The following PRKAG2 variants were observed in gnomAD, a reference collection of about 807,000 sequenced individuals.
PRKAG2 encodes protein kinase AMP-activated non-catalytic subunit gamma 2, also known as 5'-AMP-activated protein kinase subunit gamma-2.
A neutral mutation model predicts 69.6 loss-of-function variants in PRKAG2; 26 were observed. The observed-to-expected ratio is 0.37, with a 90% CI of 0.27 to 0.52. The LOEUF (loss-of-function observed/expected upper bound fraction) is 0.52. PRKAG2 is among the 20% of genes least tolerant of loss of function. The pLI, the probability that PRKAG2 is intolerant of heterozygous loss-of-function variation, is 0.90. For synonymous variants in PRKAG2, 293 were observed against 285.0 expected (o/e 1.03, Z -0.28); for missense variants, 557 against 740.0 (o/e 0.75, Z 2.87).
chr7:151,682,516 G>T (rs1834029278), intron 3 of PRKAG2, among the ~76,000 whole-genome samples: 1 of 152,166 alleles, frequency 6.6e-6, no homozygotes, highest in Non-Finnish European at 1.5e-5. Context: ...GGGAATATAG[G>T]TGTGAACCGC....
chr7:151,655,121 C>A (rs752321997), intron 4 of PRKAG2, among the ~76,000 whole-genome samples: 8 of 152,102 alleles, frequency 5.3e-5, no homozygotes, highest in Non-Finnish European at 8.8e-5. Context: ...TATTTTTTTA[C>A]TTGTTATTTC....
chr7:151,731,010 C>T (rs560588519), intron 3 of PRKAG2, among the ~76,000 whole-genome samples: 25 of 152,312 alleles, frequency 1.6e-4, no homozygotes, highest in African/African-American at 5.1e-4. Context: ...CTCCTGGCTC[C>T]AGTGCTGGCC....
chr7:151,816,597 G>T (rs2078646970), intron 1 of PRKAG2, among the ~76,000 whole-genome samples: 1 of 152,220 alleles, frequency 6.6e-6, no homozygotes, highest in South Asian at 2.1e-4. Flanking sequence ...GGATTATTCT[G>T]GAACCAGAGG....
intron 3 of PRKAG2, among the ~76,000 whole-genome samples, chr7:151,711,919 G>A (rs1795380579): frequency 2.0e-5 from 3 of 152,232 alleles, no homozygotes; most frequent in African/African-American, 7.2e-5. Flanking sequence ...CAGGTCCAGT[G>A]TTGGTGGCCT....
At chr7:151,650,079 G>T (rs1563343269) in intron 4 of PRKAG2, among the ~76,000 whole-genome samples, 1 of 152,038 alleles carries the variant, frequency 6.6e-6, no homozygotes, top group Non-Finnish European at 1.5e-5. Context: ...AAATTAGCCG[G>T]ACACGGTGGC....
intron 4 of PRKAG2, among the ~76,000 whole-genome samples, chr7:151,672,144 CA>C (rs1832147442): frequency 6.6e-6 from 1 of 151,192 alleles, no homozygotes; most frequent in Admixed American, 6.6e-5. Context: ...CTCTGTCGCC[CA>C]GGCTGGAGTG....
At chr7:151,735,855 C>T in intron 3 of PRKAG2, 1 of 1,535,910 alleles carries the variant, frequency 6.5e-7, no homozygotes, top group Non-Finnish European at 8.7e-7. Context: ...GGGGTTCCCT[C>T]CCAAGGACAG....
At chr7:151,823,738 A>G (rs2078847559) in intron 1 of PRKAG2, among the ~76,000 whole-genome samples, 2 of 152,122 alleles carry the variant, frequency 1.3e-5, no homozygotes, top group South Asian at 4.2e-4. Flanking sequence ...GGGCCCAGGG[A>G]TGTGGGGCCC....
intron 3 of PRKAG2, among the ~76,000 whole-genome samples, chr7:151,704,971 C>T (rs908528275): frequency 8.5e-5 from 13 of 152,262 alleles, no homozygotes; most frequent in African/African-American, 1.9e-4. Flanking sequence ...GCCTCAGCAA[C>T]GGGAATAAAA....
At chr7:151,675,319 C>T (rs1365451951) in intron 4 of PRKAG2, 101 bp downstream of exon 4, 3 of 1,203,502 alleles carry the variant, frequency 2.5e-6, no homozygotes, top group Non-Finnish European at 3.6e-6. Flanking sequence ...AGCACACGAC[C>T]TCAGCCTCGG....
intron 3 of PRKAG2, among the ~76,000 whole-genome samples, chr7:151,692,267 T>C (rs79495718): frequency 0.047 from 7,163 of 152,094 alleles, 400 homozygotes; most frequent in African/African-American, 0.14. Flanking sequence ...TACTCAGTAA[T>C]AAAAAGGAAA....
intron 1 of PRKAG2, among the ~76,000 whole-genome samples, chr7:151,806,201 A>AAC (rs1479390797): frequency 6.6e-6 from 1 of 152,246 alleles, no homozygotes; most frequent in Non-Finnish European, 1.5e-5. Flanking sequence ...CAACTATGAC[A>AAC]ACAACAAACA....
rs1338811235 is a variant in PRKAG2, at chr7:151,638,361, A to G, written c.685-6223T>C. The stretch of plus-strand genomic sequence containing the variant: ...AAAAATGCTAAATTATTATCCCGGC[A>G]TGGTGGCTCATGCCTGTAATCCCAG... On this transcript the variant is annotated intron_variant, in intron 4 of 15. Transcript: ENST00000287878. This position sits in a 1 kb window ranked among gnomAD's most constrained non-coding sequence, Gnocchi z 4.3. Among the ~76,000 whole-genome samples the G allele has an allele frequency of 6.6e-6, 1 of 152,044 alleles. No individual in the cohort carries two copies.
chr7:151,665,992 CAA>C (rs1370588239), intron 4 of PRKAG2, among the ~76,000 whole-genome samples: 2 of 152,136 alleles, frequency 1.3e-5, no homozygotes, highest in Non-Finnish European at 2.9e-5. Context: ...GACTGAATGG[CAA>C]AAGACAGTCC....
At position 151,836,566 on chromosome 7, in the gene PRKAG2, C is replaced by G. The variant is rs1321056239; in HGVS notation, c.114+39941G>C. 6.6e-6 allele frequency among the ~76,000 whole-genome samples: 1 copy of G among 152,256 alleles called. No individual in the cohort carries two copies. The highest frequency in any genetic ancestry group is 1.5e-5 in the Non-Finnish European group (1 of 68,042). On this transcript the variant is annotated intron_variant, in intron 1 of 15. Coordinates refer to ENST00000287878, the MANE Select transcript of PRKAG2 (RefSeq NM_016203.4). The surrounding 1 kb of genome is among the most constrained non-coding windows in gnomAD (Gnocchi z 4.1). ...CCAGGGGATCAGAACTTGCCCCCTTCCCAGTGTGAATTCCCCTCCGATGGG... is the reference window on the plus strand; with the variant it reads ...CCAGGGGATCAGAACTTGCCCCCTTGCCAGTGTGAATTCCCCTCCGATGGG...
intron 3 of PRKAG2, among the ~76,000 whole-genome samples, chr7:151,730,344 T>C (rs902871096): frequency 2.6e-5 from 4 of 152,166 alleles, no homozygotes; most frequent in African/African-American, 9.7e-5. Context: ...CAGATGCTGT[T>C]ATACTGTTCT....
intron 1 of PRKAG2, among the ~76,000 whole-genome samples, chr7:151,838,014 G>A (rs1232004750): frequency 2.0e-5 from 3 of 151,970 alleles, no homozygotes; most frequent in African/African-American, 7.3e-5. Flanking sequence ...CCTGGGCCTC[G>A]GGAACGCGCA....
chr7:151,638,055 A>G lies in PRKAG2; in HGVS notation c.685-5917T>C, dbSNP rs1007054363. Among the ~76,000 whole-genome samples the G allele has an allele frequency of 3.3e-5, 5 of 152,204 alleles. No individual in the cohort carries two copies. Among genetic ancestry groups the G allele is most frequent in the African/African-American group, 7.2e-5 (3 of 41,442 alleles). On this transcript the variant is annotated intron_variant, in intron 4 of 15. Transcript: ENST00000287878. The surrounding 1 kb of genome is among the most constrained non-coding windows in gnomAD (Gnocchi z 4.3). Reference sequence around the variant, plus strand: ...CATCAGCATCAGGGATGTTTGATGTAGCAAAAACAGACCAAATCCACCACC... The same window carrying G: ...CATCAGCATCAGGGATGTTTGATGTGGCAAAAACAGACCAAATCCACCACC...
At chr7:151,778,199 CA>C (rs544983806) in intron 3 of PRKAG2, among the ~76,000 whole-genome samples, 62 of 152,260 alleles carry the variant, frequency 4.1e-4, no homozygotes, top group African/African-American at 1.5e-3. Flanking sequence ...CCCTGCCCAT[CA>C]AATTGTCCAT....
Sources: allele counts gnomAD v4.1 joint callset (sites outside exome capture counted in the v4.1 genomes callset), GRCh38; gene constraint gnomAD v4.1.1; non-coding constraint Gnocchi (gnomAD v3.1); transcripts MANE v1.5; gene names NCBI Gene and HGNC (gene_info 2026-07-23, HGNC 2026-07-21).